GALNT17: variants seen among roughly 807,000 people sequenced by gnomAD.
The protein encoded by GALNT17 is UDP-GalNAc:polypeptide N-acetylgalactosaminyltransferase-like 3.
A neutral mutation model predicts 63.7 loss-of-function variants in GALNT17; 29 were observed. The observed-to-expected ratio is 0.46, with a 90% CI of 0.34 to 0.62. The LOEUF (loss-of-function observed/expected upper bound fraction) is 0.62, where lower values mean the gene tolerates loss of function less well. GALNT17 is among the 20% of genes least tolerant of loss of function. The pLI is 0.01. For synonymous variants in GALNT17, 305 were observed against 318.3 expected (o/e 0.96, Z 0.45); for missense variants, 603 against 799.6 (o/e 0.75, Z 2.97).
chr7:71,677,401 A>G, intron 9 of GALNT17, 95 bp downstream of exon 9: 1 of 1,215,738 alleles, frequency 8.2e-7, no homozygotes, highest in Non-Finnish European at 1.2e-6. Flanking sequence ...GTTGCTGTCT[A>G]CCTTGGTAGT....
intron 2 of GALNT17, among the ~76,000 whole-genome samples, chr7:71,336,695 T>G (rs1791914992): frequency 6.6e-6 from 1 of 152,224 alleles, no homozygotes; most frequent in South Asian, 2.1e-4. Flanking sequence ...CTGCGTAGTA[T>G]TCCATGGTGT....
At chr7:71,280,945 C>T (rs1239638742) in intron 1 of GALNT17, among the ~76,000 whole-genome samples, 3 of 152,054 alleles carry the variant, frequency 2.0e-5, no homozygotes, top group African/African-American at 7.2e-5. Flanking sequence ...GATTGGTTTC[C>T]ATGAGGAGGA....
chr7:71,499,535 C>G (rs1788147345), intron 5 of GALNT17, among the ~76,000 whole-genome samples: 1 of 152,078 alleles, frequency 6.6e-6, no homozygotes, highest in Non-Finnish European at 1.5e-5. Context: ...GAGGAAATAC[C>G]ACATATAGCA....
intron 1 of GALNT17, among the ~76,000 whole-genome samples, chr7:71,232,314 G>C (rs576520780): frequency 1.4e-3 from 206 of 152,214 alleles, no homozygotes; most frequent in African/African-American, 4.6e-3. Context: ...ATTTGTGCAG[G>C]GGTGAAAGAT....
intron 1 of GALNT17, among the ~76,000 whole-genome samples, chr7:71,327,011 A>G (rs933036523): frequency 7.9e-5 from 12 of 152,214 alleles, no homozygotes; most frequent in Non-Finnish European, 1.8e-4. Flanking sequence ...TCTTAAAGTG[A>G]AATACTCAGT....
At chr7:71,400,797 T>C (rs1793225379) in intron 3 of GALNT17, among the ~76,000 whole-genome samples, 1 of 152,202 alleles carries the variant, frequency 6.6e-6, no homozygotes, top group African/African-American at 2.4e-5. Flanking sequence ...GATGACTGAT[T>C]GGTTATAAAG....
At chr7:71,280,636 G>A (rs1229017151) in intron 1 of GALNT17, among the ~76,000 whole-genome samples, 1 of 152,172 alleles carries the variant, frequency 6.6e-6, no homozygotes, top group East Asian at 1.9e-4. Context: ...CCACACTCAG[G>A]AGTTTAAGCA....
intron 1 of GALNT17, among the ~76,000 whole-genome samples, chr7:71,256,181 G>A (rs1022436776): frequency 8.5e-5 from 13 of 152,104 alleles, no homozygotes; most frequent in South Asian, 2.1e-4. Context: ...CCTGTGACCC[G>A]CAAGCCCCCG....
intron 1 of GALNT17, among the ~76,000 whole-genome samples, chr7:71,248,530 C>G (rs1790141716): frequency 6.6e-6 from 1 of 152,034 alleles, no homozygotes; most frequent in African/African-American, 2.4e-5. Flanking sequence ...AAGGAACATA[C>G]AGAAAATGAG....
chr7:71,564,421 G>A (rs1192016661), intron 5 of GALNT17, among the ~76,000 whole-genome samples: 2 of 151,344 alleles, frequency 1.3e-5, no homozygotes, highest in African/African-American at 2.4e-5. Context: ...CAAGTAGCTG[G>A]GATTACAGGT....
chr7:71,493,774 T>C (rs1351358362), intron 5 of GALNT17, among the ~76,000 whole-genome samples: 1 of 152,110 alleles, frequency 6.6e-6, no homozygotes, highest in Non-Finnish European at 1.5e-5. Flanking sequence ...CCCCTCCACT[T>C]CTCCATCCTT....
intron 1 of GALNT17, among the ~76,000 whole-genome samples, chr7:71,224,720 C>T (rs998572614): frequency 6.6e-5 from 10 of 152,254 alleles, no homozygotes; most frequent in African/African-American, 2.4e-4. Context: ...GAAACAACAT[C>T]TGGAGCTGCT....
intron 6 of GALNT17, among the ~76,000 whole-genome samples, chr7:71,586,785 A>G (rs866427524): frequency 7.2e-5 from 11 of 152,216 alleles, no homozygotes; most frequent in Middle Eastern, 3.4e-3. Flanking sequence ...TGATAATTTA[A>G]TATGTTCATA....
intron 5 of GALNT17, among the ~76,000 whole-genome samples, chr7:71,455,675 C>G (rs1174315949): frequency 6.6e-6 from 1 of 152,166 alleles, no homozygotes; most frequent in Admixed American, 6.5e-5. Context: ...CTCTCATGCT[C>G]ATAGTCCACA....
Position 71,686,798 on chromosome 7 carries a change from G to A in GALNT17, c.1500+9492G>A, listed in dbSNP as rs145855659. ...ACATGTTCAAACCTAACACGTTCCTGCAAATTCTGATGCAGCTTTGTCCCC... is the reference window on the plus strand; with the variant it reads ...ACATGTTCAAACCTAACACGTTCCTACAAATTCTGATGCAGCTTTGTCCCC... On this transcript the variant is annotated intron_variant, in intron 9 of 10. Coordinates refer to ENST00000333538, the MANE Select transcript of GALNT17 (RefSeq NM_022479.3). 5.1e-3 allele frequency among the ~76,000 whole-genome samples: 779 copies of A among 152,244 alleles called. 5 individuals carry two copies. The highest frequency in any genetic ancestry group is 0.018 in the African/African-American group (749 of 41,544).
intron 5 of GALNT17, among the ~76,000 whole-genome samples, chr7:71,501,513 C>T (rs941472626): frequency 6.6e-6 from 1 of 152,164 alleles, no homozygotes; most frequent in Non-Finnish European, 1.5e-5. Context: ...AGTGATCCTC[C>T]GGCCATAACC....
At chr7:71,170,274 G>T (rs1008828146) in intron 1 of GALNT17, among the ~76,000 whole-genome samples, 6 of 152,182 alleles carry the variant, frequency 3.9e-5, no homozygotes, top group Admixed American at 1.3e-4. Context: ...CCCCTTCAAA[G>T]ATGTAGATCG....
chr7:71,477,643 CGCAT>C (rs1554379106), intron 5 of GALNT17, among the ~76,000 whole-genome samples: 1 of 151,948 alleles, frequency 6.6e-6, no homozygotes, highest in Non-Finnish European at 1.5e-5. Flanking sequence ...GAGCTATGAT[CGCAT>C]CACTGCACTC....
intron 5 of GALNT17, among the ~76,000 whole-genome samples, chr7:71,498,951 C>T (rs1028432104): frequency 4.6e-5 from 7 of 152,200 alleles, no homozygotes; most frequent in African/African-American, 1.4e-4. Context: ...ATGCTAAAAG[C>T]ATCTGTTGAT....
Sources: allele counts gnomAD v4.1 joint callset (sites outside exome capture counted in the v4.1 genomes callset), GRCh38; gene constraint gnomAD v4.1.1; transcripts MANE v1.5; gene names NCBI Gene and HGNC (gene_info 2026-07-23, HGNC 2026-07-21).